The following NDUFA11 variants were observed in gnomAD, a reference collection of about 807,000 sequenced individuals.
The protein encoded by NDUFA11 is NADH dehydrogenase [ubiquinone] 1 alpha subcomplex subunit 11.
A neutral mutation model predicts 11.3 loss-of-function variants in NDUFA11; 14 were observed. That is an observed-to-expected ratio of 1.24 (90% CI 0.82 to 1.94). The LOEUF (loss-of-function observed/expected upper bound fraction) is 1.94. NDUFA11 is among the 30% of genes most tolerant of loss of function. The pLI, the probability that NDUFA11 is intolerant of heterozygous loss-of-function variation, is 0.00. For missense variants in NDUFA11, 204 were observed against 200.3 expected (o/e 1.02, Z -0.11); for synonymous variants, 87 against 85.6 (o/e 1.02, Z -0.09).
chr19:5,892,944 G>GT, downstream of NDUFA11: 1 of 1,463,146 alleles, frequency 6.8e-7, no homozygotes, highest in Non-Finnish European at 9.0e-7. Flanking sequence ...AACCCAGAGT[G>GT]TTTAACAATG....
intron 1 of NDUFA11, among the ~76,000 whole-genome samples, chr19:5,898,421 C>T (rs1397666338): frequency 2.0e-5 from 3 of 152,218 alleles, no homozygotes; most frequent in Admixed American, 2.0e-4. Context: ...AGCACATATT[C>T]AGAGCAGCCC....
downstream of NDUFA11, chr19:5,892,589 G>C (rs1180957624): frequency 4.2e-6 from 1 of 235,528 alleles, no homozygotes; most frequent in Non-Finnish European, 8.3e-6. Context: ...GAAGGGGGAT[G>C]AGGGACAGAC....
At chr19:5,902,873 C>A (rs995882773) in intron 1 of NDUFA11, among the ~76,000 whole-genome samples, 1 of 151,924 alleles carries the variant, frequency 6.6e-6, no homozygotes, top group African/African-American at 2.4e-5. Context: ...TAGCCAGGCG[C>A]GGTGGCGTGA....
At position 5,896,273 on chromosome 19, in the gene NDUFA11, G is replaced by A. The variant is rs2144949835; in HGVS notation, c.313+180C>T. 2 of 706,772 alleles carry A rather than the reference G, an allele frequency of 2.8e-6. No individual in the cohort carries two copies. The highest frequency in any genetic ancestry group is 2.7e-5 in the East Asian group (1 of 36,868). The allele number at this position is 706,772 out of a possible 1,614,324, so 43.8% of individuals were successfully genotyped here. ...GGGAGGGGACAGGGCAGGTCAGGGA[G>A]GGCCACAGTAGGTGCTTAAGCAGCA... is the stretch of plus-strand genomic sequence containing the variant. On this transcript the variant is annotated intron_variant, in intron 3 of 3. Coordinates refer to ENST00000308961, the MANE Select transcript of NDUFA11 (RefSeq NM_175614.5). This position sits in a 1 kb window ranked among gnomAD's most constrained non-coding sequence, Gnocchi z 5.8.
At chr19:5,897,297 C>T (rs1050778827) in intron 1 of NDUFA11, among the ~76,000 whole-genome samples, 3 of 152,236 alleles carry the variant, frequency 2.0e-5, no homozygotes, top group East Asian at 1.9e-4. Context: ...CATGCTGGCC[C>T]TGGCAGGGCA....
At chr19:5,892,333 C>G (rs951586534), downstream of NDUFA11, 9 of 154,304 alleles carry the variant, frequency 5.8e-5, no homozygotes, top group African/African-American at 2.2e-4. Flanking sequence ...GCTAAGAGAT[C>G]TGGTACAGGG....
downstream of NDUFA11, chr19:5,891,237 G>C (rs1678865): frequency 6.7e-6 from 1 of 148,716 alleles, no homozygotes; most frequent in African/African-American, 2.5e-5. Context: ...GCCTGGGTCA[G>C]CGCCAGCCCA....
At chr19:5,897,320 C>A (rs894839563) in intron 1 of NDUFA11, among the ~76,000 whole-genome samples, 1 of 152,192 alleles carries the variant, frequency 6.6e-6, no homozygotes, top group Admixed American at 6.5e-5. Context: ...GGCCGGCAGA[C>A]GGAGACTCAT....
Position 5,896,381 on chromosome 19 carries a change from G to T in NDUFA11, c.313+72C>A. ...TGTCCGGGATGGAACAGAGAGGGTG[G>T]AGGATGAGCAGAGGTCAGGGGTCAT... is the stretch of plus-strand genomic sequence containing the variant. On this transcript the variant is annotated intron_variant, in intron 3 of 3. Coordinates refer to ENST00000308961, the MANE Select transcript of NDUFA11 (RefSeq NM_175614.5). This position sits in a 1 kb window ranked among gnomAD's most constrained non-coding sequence, Gnocchi z 5.8. 2 of 1,460,112 alleles carry T rather than the reference G, an allele frequency of 1.4e-6. No individual in the cohort carries two copies. The highest frequency in any genetic ancestry group is 1.9e-6 in the Non-Finnish European group (2 of 1,079,630). The allele number at this position is 1,460,112 out of a possible 1,614,324, so 90.4% of individuals were successfully genotyped here.
rs771788290 is a variant in NDUFA11, at chr19:5,896,638, T to C, written c.191-63A>G. 15 of 1,550,312 alleles carry C rather than the reference T, an allele frequency of 9.7e-6. No homozygotes were observed. In the African/African-American group the frequency reaches 1.6e-4, roughly 17 times the overall value. The stretch of plus-strand genomic sequence containing the variant: ...GGCACAGCAGGAGCCTCTTGGGCGC[T>C]CACTGCCAGTGTCTGGATGGAGAGA... On this transcript the variant is annotated intron_variant, in intron 2 of 3. Coordinates refer to ENST00000308961, the MANE Select transcript of NDUFA11 (RefSeq NM_175614.5). The surrounding 1 kb of genome is among the most constrained non-coding windows in gnomAD (Gnocchi z 5.8).
intron 1 of NDUFA11, chr19:5,902,735 A>T (rs1040336837): frequency 6.6e-6 from 1 of 151,532 alleles, no homozygotes; most frequent in African/African-American, 2.4e-5. Context: ...CCGGCCGGGC[A>T]TGGTGGCTCA....
intron 1 of NDUFA11, among the ~76,000 whole-genome samples, chr19:5,903,388 C>A (rs983153261): frequency 6.6e-6 from 1 of 152,180 alleles, no homozygotes; most frequent in Non-Finnish European, 1.5e-5. Flanking sequence ...CAGGGACTAG[C>A]TTGTCGCATG....
rs575038796 is a variant in NDUFA11 at position 5,903,655 on chromosome 19, G to A, written c.54C>T (p.Cys18=). The A allele has an allele frequency of 1.5e-4, 225 of 1,551,454 alleles. 1 individual carries two copies. In the South Asian group the frequency reaches 2.5e-3, roughly 17 times the overall value. The change falls in exon 1 of 4, where the codon TGC becomes TGT. Residue 18 remains cysteine, a synonymous_variant. Transcript: ENST00000308961. ...TGGTGGTGCTGTAGGCTTTGCGGTGGCAATCGGTGCCATCGGGGATATCCC... is the reference window on the plus strand; with the variant it reads ...TGGTGGTGCTGTAGGCTTTGCGGTGACAATCGGTGCCATCGGGGATATCCC... ...QYWDIPDGTD[C]HRKAYSTTSI...
chr19:5,902,805 T>C (rs2057654089), intron 1 of NDUFA11, among the ~76,000 whole-genome samples: 1 of 152,014 alleles, frequency 6.6e-6, no homozygotes, highest in Non-Finnish European at 1.5e-5. Flanking sequence ...GACCAGGAGT[T>C]CCAGATCAGT....
chr19:5,899,401 G>A (rs1336433537), intron 1 of NDUFA11, among the ~76,000 whole-genome samples: 9 of 148,044 alleles, frequency 6.1e-5, no homozygotes, highest in African/African-American at 1.7e-4. Context: ...CGCCCGCCTC[G>A]GCCTCCCAAA....
chr19:5,900,235 C>T lies in NDUFA11; in HGVS notation c.98-3238G>A, dbSNP rs571794850. Among the ~76,000 whole-genome samples, 122 of 152,314 alleles carry T rather than the reference C, an allele frequency of 8.0e-4. 2 individuals carry two copies. The South Asian group carries it at 0.023, about 28-fold the overall frequency. Reference sequence around the variant, plus strand: ...GGGAAACTGCTGGTTTCCTCTGAGCCTCCCACAGTGACCGCCAGACCCAGT... The same window carrying T: ...GGGAAACTGCTGGTTTCCTCTGAGCTTCCCACAGTGACCGCCAGACCCAGT... On this transcript the variant is annotated intron_variant, in intron 1 of 3. Transcript: ENST00000308961.
chr19:5,894,492 C>T (rs888304289), downstream of NDUFA11, among the ~76,000 whole-genome samples: 1 of 152,194 alleles, frequency 6.6e-6, no homozygotes, highest in Non-Finnish European at 1.5e-5. Context: ...CCTGGGCTCC[C>T]GATGGCCCCA....
chr19:5,897,041 A>G, intron 1 of NDUFA11, 44 bp from the exon 2 acceptor site: 1 of 1,538,468 alleles, frequency 6.5e-7, no homozygotes, highest in Non-Finnish European at 9.0e-7. Flanking sequence ...CACTGCTGCT[A>G]AGCCCTTGCT....
chr19:5,894,895 C>G (rs1453370117), intron 3 of NDUFA11, 41 bp from the exon 4 acceptor site: 4 of 1,553,662 alleles, frequency 2.6e-6, no homozygotes, highest in Non-Finnish European at 3.5e-6. Context: ...GGGTGGGGCT[C>G]GGCCGGACCA....
Sources: allele counts gnomAD v4.1 joint callset (sites outside exome capture counted in the v4.1 genomes callset), GRCh38; gene constraint gnomAD v4.1.1; non-coding constraint Gnocchi (gnomAD v3.1); transcripts MANE v1.5; gene names NCBI Gene and HGNC (gene_info 2026-07-23, HGNC 2026-07-21).